The following TRRAP variants were observed in gnomAD, a reference collection of about 807,000 sequenced individuals.
TRRAP encodes the protein transformation/transcription domain-associated protein.
A neutral mutation model predicts 438.8 loss-of-function variants in TRRAP; 41 were observed. The ratio of observed to expected loss-of-function variants is 0.09; its 90% CI spans 0.07 to 0.12. TRRAP has a LOEUF of 0.12. Among genes scored for constraint, TRRAP ranks in the 10% least tolerant of loss-of-function variants. TRRAP has a pLI of 1.00. For synonymous variants in TRRAP, 1,994 were observed against 1,962.9 expected (o/e 1.02, Z -0.42); for missense variants, 3,122 against 5,055.1 (o/e 0.62, Z 11.60).
At chr7:99,010,445 C>T (rs1163965576) in intron 70 of TRRAP, among the ~76,000 whole-genome samples, 1 of 152,244 alleles carries the variant, frequency 6.6e-6, no homozygotes, top group Non-Finnish European at 1.5e-5. Context: ...TGCTTTCTCA[C>T]AGCCATTCCC....
intron 53 of TRRAP, among the ~76,000 whole-genome samples, chr7:98,975,107 G>A (rs530545374): frequency 6.6e-6 from 1 of 152,344 alleles, no homozygotes; most frequent in Admixed American, 6.5e-5. Context: ...GGTGAAGTGT[G>A]TGGCCATGTG....
At chr7:98,974,254 G>A (rs564792048) in intron 53 of TRRAP, among the ~76,000 whole-genome samples, 1 of 152,258 alleles carries the variant, frequency 6.6e-6, no homozygotes, top group South Asian at 2.1e-4. Flanking sequence ...GGAGCAAGAT[G>A]GGGTTACAAA....
chr7:98,990,417 A>G, intron 63 of TRRAP, 38 bp from the exon 64 acceptor site: 1 of 1,601,332 alleles, frequency 6.2e-7, no homozygotes, highest in Non-Finnish European at 8.5e-7. Flanking sequence ...GGGCTTCAGA[A>G]TTGTCATTCT....
intron 3 of TRRAP, among the ~76,000 whole-genome samples, chr7:98,882,298 A>G (rs1425218560): frequency 6.6e-6 from 1 of 151,300 alleles, no homozygotes; most frequent in Non-Finnish European, 1.5e-5. Context: ...TAGCTCTTTT[A>G]GGCTACCATG....
At chr7:98,891,209 T>G (rs5017013) in intron 4 of TRRAP, among the ~76,000 whole-genome samples, 1 of 87,266 alleles carries the variant, frequency 1.1e-5, no homozygotes, top group Admixed American at 1.5e-4. Context: ...ATATATTTTT[T>G]TTTTTTTTTT....
In TRRAP at chr7:98,892,442, C is replaced by G. The variant is rs1554405075; in HGVS notation, c.280C>G (p.Leu94Val). 1 of 1,611,836 alleles carries G rather than the reference C, an allele frequency of 6.2e-7. No homozygotes were observed. Among genetic ancestry groups the G allele is most frequent in the African/African-American group, 1.3e-5 (1 of 74,956 alleles). ...TTGCCAGCAACTGCGGAAGCTCGTA[C>G]TTGAAATAATTCATAGAATACCAAC... ...KPAQQLRKLV[L>V]EIIHRIPTNE... is the part of the protein sequence containing the mutation. The change falls in exon 5 of 73, where the codon CTT becomes GTT. Residue 94 changes from leucine to valine, a missense_variant. This residue lies in a region of TRRAP where 343 missense variants were observed against 564.0 expected (regional missense o/e 0.61). Coordinates refer to ENST00000456197, the MANE Select transcript of TRRAP (RefSeq NM_001375524.1).
chr7:98,937,739 G>A lies in TRRAP; in HGVS notation c.4323G>A (p.Thr1441=), dbSNP rs373397759. The A allele has an allele frequency of 1.4e-5, 23 of 1,613,882 alleles. No homozygotes were observed. The African/African-American group carries it at 1.9e-4, about 13-fold the overall frequency. The part of the protein sequence containing the change: ...LMMLGDYRSL[T]LNVVNRLTSV... ...TGCTGGGAGATTACCGGAGCTTGAC[G>A]CTGAATGTTGTGAATCGCCTGACTT... Residue 1441 remains threonine, a synonymous_variant, in exon 30 of 73, where the codon ACG becomes ACA. Transcript: ENST00000456197.
At chr7:99,000,179 T>C (rs2116839178) in intron 67 of TRRAP, among the ~76,000 whole-genome samples, 1 of 152,222 alleles carries the variant, frequency 6.6e-6, no homozygotes, top group Admixed American at 6.5e-5. Flanking sequence ...CTGGCTAATT[T>C]TTGATTTTTA....
intron 28 of TRRAP, 63 bp downstream of exon 28, chr7:98,935,738 GAA>G (rs1183155578): frequency 3.0e-6 from 4 of 1,313,708 alleles, no homozygotes; most frequent in Non-Finnish European, 4.1e-6. Context: ...GAGGTCTATA[GAA>G]AAAAAAAGTG....
intron 18 of TRRAP, 129 bp downstream of exon 18, chr7:98,912,342 CCA>C: frequency 1.1e-6 from 1 of 947,158 alleles, no homozygotes; most frequent in Non-Finnish European, 1.5e-6. Context: ...CTTGATCTCC[CCA>C]GTTTTTGGGA....
chr7:98,996,307 C>T (rs1437545101), intron 67 of TRRAP, among the ~76,000 whole-genome samples: 1 of 152,230 alleles, frequency 6.6e-6, no homozygotes, highest in Non-Finnish European at 1.5e-5. Flanking sequence ...TTGCTTCTTA[C>T]TCCTCATTCA....
chr7:98,970,559 A>G (rs1026845456), intron 52 of TRRAP, among the ~76,000 whole-genome samples: 3 of 151,298 alleles, frequency 2.0e-5, no homozygotes, highest in East Asian at 1.9e-4. Context: ...AAACCTGTCT[A>G]CCTGAAAGCT....
chr7:98,890,170 C>T (rs1554404606), intron 3 of TRRAP, among the ~76,000 whole-genome samples, 165 bp from the exon 4 acceptor site: 2 of 152,124 alleles, frequency 1.3e-5, no homozygotes. Flanking sequence ...TTCAGAAATA[C>T]AATCATCCTA....
chr7:98,953,142 A>G, intron 39 of TRRAP, 25 bp from the exon 40 acceptor site: 1 of 1,604,430 alleles, frequency 6.2e-7, no homozygotes, highest in Non-Finnish European at 8.5e-7. Flanking sequence ...ACTGGAAATG[A>G]GTCCTTCCTG....
At chr7:98,975,729 G>A (rs1221702544) in intron 53 of TRRAP, among the ~76,000 whole-genome samples, 1 of 152,192 alleles carries the variant, frequency 6.6e-6, no homozygotes, top group Non-Finnish European at 1.5e-5. Flanking sequence ...AATAATACCT[G>A]TTGGCAAATA....
intron 23 of TRRAP, 43 bp downstream of exon 23, chr7:98,927,409 C>G (rs782350226): frequency 5.0e-6 from 8 of 1,594,336 alleles, no homozygotes; most frequent in South Asian, 3.4e-5. Context: ...GGTTCTTTGA[C>G]TTTTATAGGT....
chr7:98,925,793 C>T (rs1790023811), intron 22 of TRRAP, among the ~76,000 whole-genome samples: 1 of 152,188 alleles, frequency 6.6e-6, no homozygotes, highest in Non-Finnish European at 1.5e-5. Context: ...TTTTCACATT[C>T]TTCACTGCAT....
intron 14 of TRRAP, 57 bp downstream of exon 14, chr7:98,909,019 ATTTTTTTT>A: frequency 9.2e-7 from 1 of 1,091,048 alleles, no homozygotes; most frequent in Non-Finnish European, 1.3e-6. Flanking sequence ...TTGTGGCTAA[ATTTTTTTT>A]TTTTTTTTTT....
chr7:98,977,878 GTC>G (rs1355533799), intron 56 of TRRAP, among the ~76,000 whole-genome samples: 2 of 152,224 alleles, frequency 1.3e-5, no homozygotes, highest in African/African-American at 4.8e-5. Flanking sequence ...ACTGTCTTCT[GTC>G]TCTGAACAGA....
Sources: allele counts gnomAD v4.1 joint callset (sites outside exome capture counted in the v4.1 genomes callset), GRCh38; gene constraint gnomAD v4.1.1; regional missense constraint gnomAD v4.1.1; transcripts MANE v1.5; gene names NCBI Gene and HGNC (gene_info 2026-07-23, HGNC 2026-07-21).